RORA: variants seen among roughly 807,000 people sequenced by gnomAD.
RORA encodes nuclear receptor ROR-alpha.
In RORA, 7 loss-of-function variants were observed where a neutral mutation model predicts 69.5. The ratio of observed to expected loss-of-function variants is 0.10; its 90% confidence interval spans 0.06 to 0.19. The LOEUF is 0.19. Among genes scored for constraint, RORA ranks in the 10% least tolerant of loss-of-function variants. The pLI, the probability that RORA is intolerant of heterozygous loss-of-function variation, is 1.00. For synonymous variants in RORA, 261 were observed against 240.8 expected, an observed-to-expected ratio of 1.08 and a Z score of -0.78; for missense variants, 457 against 663.0, an observed-to-expected ratio of 0.69 and a Z score of 3.41.
At chr15:60,749,082 G>A (rs957918320) in intron 1 of RORA, among the ~76,000 whole-genome samples, 2 of 152,214 alleles carry the variant, frequency 1.3e-5, no homozygotes, top group Non-Finnish European at 2.9e-5. Flanking sequence ...GTCGTGGGGT[G>A]TAGTTTATGA....
intron 1 of RORA, among the ~76,000 whole-genome samples, chr15:60,738,618 C>A (rs1023880827): frequency 5.8e-4 from 89 of 152,306 alleles, no homozygotes; most frequent in African/African-American, 2.0e-3. Flanking sequence ...ATTCATTATT[C>A]TTACATTCAT....
chr15:60,694,913 A>C (rs2070879912), intron 1 of RORA, among the ~76,000 whole-genome samples: 1 of 152,220 alleles, frequency 6.6e-6, no homozygotes, highest in Admixed American at 6.5e-5. Context: ...ATACCTCATT[A>C]ATGGACAACG....
intron 1 of RORA, among the ~76,000 whole-genome samples, chr15:60,990,044 T>C (rs1356924674): frequency 6.6e-6 from 1 of 152,262 alleles, no homozygotes; most frequent in African/African-American, 2.4e-5. Context: ...TTAATACCAC[T>C]AATTTGAACT....
chr15:61,106,869 G>C (rs1595993737), intron 1 of RORA, among the ~76,000 whole-genome samples: 1 of 152,192 alleles, frequency 6.6e-6, no homozygotes, highest in Non-Finnish European at 1.5e-5. Flanking sequence ...GTTCAAAGTA[G>C]AAAGAGGGGA....
intron 1 of RORA, among the ~76,000 whole-genome samples, chr15:60,813,792 A>C (rs1350695218): frequency 6.6e-6 from 1 of 152,222 alleles, no homozygotes; most frequent in Non-Finnish European, 1.5e-5. Flanking sequence ...TATCTTTGAA[A>C]TAATCCTGAG....
At chr15:61,138,748 C>T (rs1197360995) in intron 1 of RORA, among the ~76,000 whole-genome samples, 1 of 151,908 alleles carries the variant, frequency 6.6e-6, no homozygotes, top group African/African-American at 2.4e-5. Context: ...GGAAAAAAAG[C>T]CATTCTAAGC....
At chr15:60,900,331 A>C (rs1156238035) in intron 1 of RORA, among the ~76,000 whole-genome samples, 12 of 152,244 alleles carry the variant, frequency 7.9e-5, no homozygotes, top group African/African-American at 2.9e-4. Flanking sequence ...ACAGTAGCCC[A>C]ACAGCACACA....
At chr15:60,856,221 T>C (rs2073378647) in intron 1 of RORA, among the ~76,000 whole-genome samples, 1 of 152,146 alleles carries the variant, frequency 6.6e-6, no homozygotes, top group Non-Finnish European at 1.5e-5. Flanking sequence ...GGTAAAACTA[T>C]CTTCTTGGCA....
At chr15:60,897,035 C>T (rs1305351089) in intron 1 of RORA, among the ~76,000 whole-genome samples, 1 of 152,118 alleles carries the variant, frequency 6.6e-6, no homozygotes, top group African/African-American at 2.4e-5. Flanking sequence ...AAGGCAGCTT[C>T]AGGAGTGGGT....
At chr15:60,542,445 A>ACAGGCACACCTCACACACACATG (rs1567072882) in intron 2 of RORA, among the ~76,000 whole-genome samples, 1 of 142,024 alleles carries the variant, frequency 7.0e-6, no homozygotes, top group African/African-American at 3.1e-5. Context: ...CTCACAGCAC[A>ACAGGCACACCTCACACACACATG]GCACACAGGC....
At chr15:60,586,880 T>C (rs1036093206) in intron 2 of RORA, among the ~76,000 whole-genome samples, 1 of 152,186 alleles carries the variant, frequency 6.6e-6, no homozygotes, top group Non-Finnish European at 1.5e-5. Flanking sequence ...AATGAGATTT[T>C]TCAGATCTAC....
At chr15:60,517,733 A>C (rs2066013157) in intron 3 of RORA, among the ~76,000 whole-genome samples, 1 of 152,214 alleles carries the variant, frequency 6.6e-6, no homozygotes. Context: ...GTGTAAAGGC[A>C]TCACTGTGGA....
At chr15:60,799,141 C>T (rs1336948248) in intron 1 of RORA, among the ~76,000 whole-genome samples, 1 of 152,136 alleles carries the variant, frequency 6.6e-6, no homozygotes, top group Non-Finnish European at 1.5e-5. Context: ...GAACTACACT[C>T]AGACTCTCTA....
intron 1 of RORA, among the ~76,000 whole-genome samples, chr15:61,195,685 G>T (rs1049767315): frequency 1.3e-5 from 2 of 152,164 alleles, no homozygotes; most frequent in African/African-American, 2.4e-5. Flanking sequence ...AAACTGGTCA[G>T]ATCCACATTT....
chr15:60,855,772 A>G (rs1177553488), intron 1 of RORA, among the ~76,000 whole-genome samples: 1 of 151,322 alleles, frequency 6.6e-6, no homozygotes, highest in African/African-American at 2.4e-5. Flanking sequence ...GCCCGCCACC[A>G]CTCCCGGCTA....
intron 1 of RORA, among the ~76,000 whole-genome samples, chr15:60,790,977 C>T (rs1464826425): frequency 6.6e-6 from 1 of 152,010 alleles, no homozygotes; most frequent in Admixed American, 6.6e-5. Flanking sequence ...CCCCATTGCC[C>T]CCCCAAAAAG....
intron 1 of RORA, among the ~76,000 whole-genome samples, chr15:61,134,410 G>A (rs144939733): frequency 4.2e-4 from 64 of 152,216 alleles, no homozygotes; most frequent in African/African-American, 1.3e-3. Context: ...TCTGTGCCTC[G>A]GTGCCTCATT....
chr15:60,749,651 G>C (rs1044824663), intron 1 of RORA, among the ~76,000 whole-genome samples: 2 of 152,154 alleles, frequency 1.3e-5, no homozygotes, highest in African/African-American at 4.8e-5. Context: ...CTTTTACCAG[G>C]GGATATGATG....
intron 1 of RORA, among the ~76,000 whole-genome samples, chr15:61,006,451 G>C (rs1265254778): frequency 1.3e-5 from 2 of 152,168 alleles, no homozygotes; most frequent in African/African-American, 2.4e-5. Context: ...GTAACTAACA[G>C]ATAATTTTCC....
Sources: allele counts gnomAD v4.1 joint callset (sites outside exome capture counted in the v4.1 genomes callset), GRCh38; gene constraint gnomAD v4.1.1; transcripts MANE v1.5; gene names NCBI Gene and HGNC (gene_info 2026-07-23, HGNC 2026-07-21).